RIMS1: variants seen among roughly 807,000 people sequenced by gnomAD.
RIMS1 encodes the protein regulating synaptic membrane exocytosis protein 1.
In RIMS1, 83 loss-of-function variants were observed where a neutral mutation model predicts 214.1. The observed-to-expected ratio is 0.39, with a 90% CI of 0.32 to 0.47. The LOEUF is 0.47. Ranked by LOEUF, RIMS1 falls within the 20% of genes least tolerant of loss-of-function variation. RIMS1 has a pLI of 0.99. For missense variants in RIMS1, 2,050 were observed against 2,161.8 expected, an observed-to-expected ratio of 0.95 and a Z score of 1.03; for synonymous variants, 793 against 786.8, an observed-to-expected ratio of 1.01 and a Z score of -0.13.
At chr6:72,278,470 A>T (rs1591693226) in intron 23 of RIMS1, among the ~76,000 whole-genome samples, 2 of 152,146 alleles carry the variant, frequency 1.3e-5, no homozygotes, top group African/African-American at 4.8e-5. Context: ...TTTAAAATGA[A>T]TTAATCTTAT....
intron 28 of RIMS1, among the ~76,000 whole-genome samples, chr6:72,327,036 T>C (rs2096495747): frequency 6.6e-6 from 1 of 151,548 alleles, no homozygotes; most frequent in Admixed American, 6.6e-5. Context: ...AGAAACATAT[T>C]CTCCCCTAAA....
intron 2 of RIMS1, among the ~76,000 whole-genome samples, chr6:72,006,840 G>T (rs1020824411): frequency 1.3e-5 from 2 of 152,214 alleles, no homozygotes; most frequent in South Asian, 2.1e-4. Flanking sequence ...CTCGAACTTG[G>T]TGGAGCCCAC....
intron 22 of RIMS1, among the ~76,000 whole-genome samples, chr6:72,267,360 TCTGAC>T (rs1167156292): frequency 3.9e-5 from 6 of 152,144 alleles, no homozygotes; most frequent in African/African-American, 1.4e-4. Flanking sequence ...AGTGGAATCT[TCTGAC>T]CATAGCAGCC....
Position 72,291,993 on chromosome 6 carries a change from G to T in RIMS1, c.3797G>T (p.Arg1266Leu), listed in dbSNP as rs373941007. 3.2e-6 allele frequency: 5 copies of T among 1,564,066 alleles called. No homozygotes were observed. The highest frequency in any genetic ancestry group is 2.4e-5 in the East Asian group (1 of 41,696). ...CCAGCAGACACATCGTTCAGCAGTC[G>T]CAGGGGAAGACAGCTCCCACAAGTG... is the stretch of plus-strand genomic sequence containing the variant. ...SPPADTSFSS[R>L]RGRQLPQVPV... Residue 1266 changes from arginine to leucine, a missense_variant, in exon 26 of 34, where the codon CGC becomes CTC. Coordinates refer to ENST00000521978, the MANE Select transcript of RIMS1 (RefSeq NM_014989.7).
chr6:72,079,185 G>C (rs1395072458), intron 2 of RIMS1, among the ~76,000 whole-genome samples: 1 of 152,180 alleles, frequency 6.6e-6, no homozygotes, highest in African/African-American at 2.4e-5. Flanking sequence ...GAAACAAAAA[G>C]AGGTTGAAGG....
chr6:72,223,187 A>G (rs1394447673), intron 6 of RIMS1, among the ~76,000 whole-genome samples: 4 of 152,134 alleles, frequency 2.6e-5, no homozygotes, highest in South Asian at 2.1e-4. Context: ...ATTTTGTTCT[A>G]TTGCTTTTTG....
chr6:72,003,429 AC>A (rs1806060627), intron 2 of RIMS1, among the ~76,000 whole-genome samples: 1 of 151,578 alleles, frequency 6.6e-6, no homozygotes, highest in Admixed American at 6.6e-5. Flanking sequence ...GTGGATGAAT[AC>A]ATGAATGAAT....
chr6:72,107,288 C>T (rs1056103561), intron 4 of RIMS1, among the ~76,000 whole-genome samples: 7 of 152,178 alleles, frequency 4.6e-5, no homozygotes, highest in African/African-American at 1.7e-4. Context: ...CCACCAGGAG[C>T]GGTAGCTCAC....
intron 4 of RIMS1, among the ~76,000 whole-genome samples, chr6:72,162,779 C>T (rs2045645143): frequency 7.1e-6 from 1 of 140,444 alleles, no homozygotes. Flanking sequence ...ATGGGCTTCC[C>T]TTTGTGGGTA....
At chr6:72,177,645 A>T (rs1201649782) in intron 4 of RIMS1, among the ~76,000 whole-genome samples, 2 of 152,222 alleles carry the variant, frequency 1.3e-5, no homozygotes, top group Non-Finnish European at 2.9e-5. Flanking sequence ...TAAAATAGTC[A>T]AAATTTCATA....
chr6:72,097,790 T>TAAAG (rs1403908792), intron 3 of RIMS1, among the ~76,000 whole-genome samples: 6 of 152,194 alleles, frequency 3.9e-5, no homozygotes, highest in African/African-American at 1.4e-4. Context: ...CCTACTCCTG[T>TAAAG]TATGCCAGTA....
intron 4 of RIMS1, among the ~76,000 whole-genome samples, chr6:72,167,296 T>C (rs562644263): frequency 1.8e-4 from 28 of 152,112 alleles, no homozygotes; most frequent in African/African-American, 6.5e-4. Flanking sequence ...TTTTATATGG[T>C]TATATAGTAC....
chr6:72,074,554 AC>A (rs959670561), intron 2 of RIMS1, among the ~76,000 whole-genome samples: 4 of 152,068 alleles, frequency 2.6e-5, no homozygotes, highest in African/African-American at 9.7e-5. Context: ...AGTCCCACCT[AC>A]TCAGGAGGCT....
chr6:72,015,337 GA>G (rs1277995466), intron 2 of RIMS1, among the ~76,000 whole-genome samples: 3 of 152,052 alleles, frequency 2.0e-5, no homozygotes, highest in Non-Finnish European at 4.4e-5. Flanking sequence ...TTGGATCAGG[GA>G]TGTCCAAACT....
intron 6 of RIMS1, among the ~76,000 whole-genome samples, chr6:72,230,558 G>A (rs916897142): frequency 2.6e-5 from 4 of 151,384 alleles, no homozygotes; most frequent in Non-Finnish European, 4.4e-5. Context: ...GGCATTGATC[G>A]ATCTTATTGA....
chr6:71,944,652 T>C lies in RIMS1; in HGVS notation c.165-24331T>C, dbSNP rs148405399. On this transcript the variant is annotated intron_variant, in intron 1 of 33. Coordinates refer to ENST00000521978, the MANE Select transcript of RIMS1 (RefSeq NM_014989.7). ...AATGGGAAATAAGGCTGGAGAATTT[T>C]TATGAAAAACAGGCTAAAGATTTCA... is the stretch of plus-strand genomic sequence containing the variant. Among the ~76,000 whole-genome samples the C allele has an allele frequency of 7.1e-3, 1,075 of 152,292 alleles. 10 individuals are homozygous for C. Among genetic ancestry groups the C allele is most frequent in the African/African-American group, 0.023 (940 of 41,560 alleles).
At chr6:71,945,333 A>G (rs1305644050) in intron 1 of RIMS1, among the ~76,000 whole-genome samples, 1 of 152,186 alleles carries the variant, frequency 6.6e-6, no homozygotes. Context: ...GGAGGGACAT[A>G]CACATGGATA....
chr6:71,983,539 A>G (rs1562025875), intron 2 of RIMS1, among the ~76,000 whole-genome samples: 1 of 151,922 alleles, frequency 6.6e-6, no homozygotes, highest in African/African-American at 2.4e-5. Flanking sequence ...AAAATTTGAG[A>G]TTGTACAGCC....
intron 5 of RIMS1, among the ~76,000 whole-genome samples, chr6:72,180,329 G>A (rs1477563617): frequency 6.6e-6 from 1 of 152,196 alleles, no homozygotes; most frequent in Non-Finnish European, 1.5e-5. Flanking sequence ...TTTCTTTTAT[G>A]CTGAGCTCTA....
Sources: allele counts gnomAD v4.1 joint callset (sites outside exome capture counted in the v4.1 genomes callset), GRCh38; gene constraint gnomAD v4.1.1; transcripts MANE v1.5; gene names NCBI Gene and HGNC (gene_info 2026-07-23, HGNC 2026-07-21).